Variants in GRIP1 observed in about 807,000 individuals in gnomAD.
GRIP1 encodes glutamate receptor-interacting protein 1.
GRIP1 carries 45 observed loss-of-function variants against 129.9 expected under a neutral mutation model. The ratio of observed to expected loss-of-function variants is 0.35; its 90% CI spans 0.27 to 0.44. GRIP1 has a LOEUF of 0.44. Among genes scored for constraint, GRIP1 ranks in the 20% least tolerant of loss-of-function variants. GRIP1 has a pLI of 1.00. For missense variants in GRIP1, 1,196 were observed against 1,396.8 expected, an observed-to-expected ratio of 0.86 and a Z score of 2.29; for synonymous variants, 530 against 520.8, an observed-to-expected ratio of 1.02 and a Z score of -0.24.
At chr12:66,974,123 C>T (rs756075828) in intron 1 of GRIP1, among the ~76,000 whole-genome samples, 1 of 151,868 alleles carries the variant, frequency 6.6e-6, no homozygotes, top group Non-Finnish European at 1.5e-5. Flanking sequence ...TGGGGTTTCT[C>T]ATGTTGGCCA....
rs764471640 is a variant in GRIP1, at chr12:67,051,959, T to C, written c.58+17091A>G. ...GCACAAAGCTATTCATCAAATGAAG[T>C]CACTGACAGGAAGAGAACTGGAAAA... On this transcript the variant is annotated intron_variant, in intron 1 of 1. Coordinates refer to the GRIP1 transcript ENST00000643019. 7.5e-4 allele frequency among the ~76,000 whole-genome samples: 114 copies of C among 152,306 alleles called. 2 individuals are homozygous for C. Among genetic ancestry groups the C allele is most frequent in the East Asian group, 1.9e-4 (1 of 5,190 alleles).
intron 1 of GRIP1, among the ~76,000 whole-genome samples, chr12:66,617,314 T>C (rs1407581625): frequency 6.7e-6 from 1 of 149,922 alleles, no homozygotes; most frequent in East Asian, 1.9e-4. Context: ...AAAAGATGCT[T>C]GCAAGTTACT....
intron 1 of GRIP1, among the ~76,000 whole-genome samples, chr12:66,760,887 C>T (rs2136668474): frequency 1.3e-5 from 2 of 151,182 alleles, no homozygotes; most frequent in African/African-American, 4.9e-5. Flanking sequence ...GCCTGGGTCA[C>T]CTTTGTCTGT....
intron 2 of GRIP1, among the ~76,000 whole-genome samples, chr12:66,560,498 T>C (rs1032984560): frequency 6.6e-6 from 1 of 151,864 alleles, no homozygotes; most frequent in South Asian, 2.1e-4. Flanking sequence ...AATAATCCAA[T>C]TGAAAAATGG....
chr12:66,909,120 T>C (rs1296185025), intron 1 of GRIP1, among the ~76,000 whole-genome samples: 3 of 152,228 alleles, frequency 2.0e-5, no homozygotes, highest in Non-Finnish European at 4.4e-5. Flanking sequence ...TTTTAATCTT[T>C]TTGAAAAATC....
At chr12:66,411,153 A>G (rs981389020) in intron 15 of GRIP1, among the ~76,000 whole-genome samples, 1 of 152,084 alleles carries the variant, frequency 6.6e-6, no homozygotes, top group Non-Finnish European at 1.5e-5. Flanking sequence ...CGGCAGCCAG[A>G]CTGCTTTTTT....
chr12:66,705,881 C>G (rs560491838), intron 1 of GRIP1, among the ~76,000 whole-genome samples: 1 of 152,268 alleles, frequency 6.6e-6, no homozygotes, highest in African/African-American at 2.4e-5. Flanking sequence ...GGACCCCTTC[C>G]TCACACCTTA....
intron 1 of GRIP1, among the ~76,000 whole-genome samples, chr12:66,604,958 A>G (rs1046713847): frequency 1.9e-4 from 29 of 152,134 alleles, no homozygotes; most frequent in African/African-American, 7.0e-4. Flanking sequence ...ATGGCAACTG[A>G]GTGGTAGGAT....
At chr12:66,887,092 G>A (rs2040578425) in intron 1 of GRIP1, among the ~76,000 whole-genome samples, 1 of 152,206 alleles carries the variant, frequency 6.6e-6, no homozygotes, top group Admixed American at 6.5e-5. Context: ...TGTGGTGCAT[G>A]AACCACTTGA....
intron 1 of GRIP1, among the ~76,000 whole-genome samples, chr12:66,791,536 A>T (rs187278830): frequency 6.6e-6 from 1 of 152,196 alleles, no homozygotes; most frequent in East Asian, 1.9e-4. Context: ...GGTTTGATGG[A>T]GCTAAGGTTG....
At chr12:66,942,633 G>C (rs568160383) in intron 1 of GRIP1, among the ~76,000 whole-genome samples, 10 of 152,318 alleles carry the variant, frequency 6.6e-5, no homozygotes, top group African/African-American at 2.2e-4. Context: ...AGAATAAGCA[G>C]TGTGTGCTAT....
intron 1 of GRIP1, among the ~76,000 whole-genome samples, chr12:66,640,267 C>T (rs764577643): frequency 1.3e-5 from 2 of 152,146 alleles, no homozygotes; most frequent in Non-Finnish European, 2.9e-5. Flanking sequence ...AGAATAGATA[C>T]CAGGCCTGAC....
chr12:66,492,881 G>C (rs2060140013), intron 7 of GRIP1, among the ~76,000 whole-genome samples: 1 of 152,074 alleles, frequency 6.6e-6, no homozygotes, highest in Non-Finnish European at 1.5e-5. Context: ...ATGGTGGCAG[G>C]CATCTGTAAT....
intron 1 of GRIP1, among the ~76,000 whole-genome samples, chr12:66,609,609 C>T (rs917518877): frequency 3.3e-5 from 5 of 152,170 alleles, no homozygotes; most frequent in East Asian, 3.8e-4. Context: ...TTGTCTAACT[C>T]TCCTTGGGTT....
At chr12:67,025,216 C>A (rs2042924271) in intron 1 of GRIP1, among the ~76,000 whole-genome samples, 1 of 152,138 alleles carries the variant, frequency 6.6e-6, no homozygotes, top group Non-Finnish European at 1.5e-5. Flanking sequence ...TGGCAGGTGC[C>A]TGTAATCCCA....
At chr12:66,422,549 C>T (rs946748881) in intron 14 of GRIP1, among the ~76,000 whole-genome samples, 1 of 151,472 alleles carries the variant, frequency 6.6e-6, no homozygotes, top group African/African-American at 2.4e-5. Flanking sequence ...CTGTAGTAAC[C>T]ATCACATAGC....
rs1342781054 is a variant in GRIP1 at position 66,945,144 on chromosome 12, T to C, written c.58+123906A>G. Among the ~76,000 whole-genome samples the C allele has an allele frequency of 5.9e-5, 9 of 152,150 alleles. No individual in the cohort carries two copies. In the East Asian group the frequency reaches 1.3e-3, roughly 23 times the overall value. On this transcript the variant is annotated intron_variant, in intron 1 of 1. Coordinates refer to the GRIP1 transcript ENST00000643019. ...ATTGCCATTCTCTTTTGTTTTCTTT[T>C]TTTAATATCTTATTTACTTTTTCAA...
At chr12:66,651,713 G>GA (rs1286857726) in intron 1 of GRIP1, among the ~76,000 whole-genome samples, 4 of 151,908 alleles carry the variant, frequency 2.6e-5, no homozygotes, top group African/African-American at 9.7e-5. Context: ...GGGTAATGAG[G>GA]AAAAAAAATT....
At chr12:66,837,432 T>C (rs2039634561) in intron 1 of GRIP1, among the ~76,000 whole-genome samples, 1 of 152,148 alleles carries the variant, frequency 6.6e-6, no homozygotes, top group Admixed American at 6.5e-5. Flanking sequence ...CTCGGTATGC[T>C]TTCAGAAAAG....
Sources: allele counts gnomAD v4.1 joint callset (sites outside exome capture counted in the v4.1 genomes callset), GRCh38; gene constraint gnomAD v4.1.1; transcripts MANE v1.5; gene names NCBI Gene and HGNC (gene_info 2026-07-23, HGNC 2026-07-21).